Variants in RORA observed in about 807,000 individuals in gnomAD.
RORA encodes the protein RAR related orphan receptor A.
In RORA, 7 loss-of-function variants were observed where a neutral mutation model predicts 69.5. That is an observed-to-expected ratio of 0.10 (90% CI 0.06 to 0.19). The LOEUF (loss-of-function observed/expected upper bound fraction) is 0.19, where lower values mean the gene tolerates loss of function less well. Ranked by LOEUF, RORA falls within the 10% of genes least tolerant of loss-of-function variation. The pLI, the probability that RORA is intolerant of heterozygous loss-of-function variation, is 1.00. For missense variants in RORA, 457 were observed against 663.0 expected (o/e 0.69, Z 3.41); for synonymous variants, 261 against 240.8 (o/e 1.08, Z -0.78).
At chr15:61,107,282 A>T (rs1190077300) in intron 1 of RORA, among the ~76,000 whole-genome samples, 1 of 152,232 alleles carries the variant, frequency 6.6e-6, no homozygotes, top group Non-Finnish European at 1.5e-5. Context: ...AATCCAAGTA[A>T]GACCATCTAA....
At chr15:60,955,743 A>G (rs1271657576) in intron 1 of RORA, among the ~76,000 whole-genome samples, 1 of 152,226 alleles carries the variant, frequency 6.6e-6, no homozygotes, top group East Asian at 1.9e-4. Context: ...GGGTGGAGCA[A>G]GAGGAGTCAG....
intron 2 of RORA, among the ~76,000 whole-genome samples, chr15:60,552,975 T>C (rs1414010927): frequency 6.6e-6 from 1 of 152,192 alleles, no homozygotes; most frequent in Non-Finnish European, 1.5e-5. Context: ...ATTAGCACTG[T>C]GATCATGGGC....
intron 1 of RORA, among the ~76,000 whole-genome samples, chr15:60,688,377 T>C (rs2070776905): frequency 6.6e-6 from 1 of 152,152 alleles, no homozygotes; most frequent in African/African-American, 2.4e-5. Flanking sequence ...CTAAAATTTC[T>C]ATAAAACACC....
At chr15:61,004,710 C>T (rs551300117) in intron 1 of RORA, among the ~76,000 whole-genome samples, 6 of 151,984 alleles carry the variant, frequency 3.9e-5, no homozygotes, top group South Asian at 2.1e-4. Flanking sequence ...GACATGGGTC[C>T]GGGAGTAAAT....
intron 1 of RORA, among the ~76,000 whole-genome samples, chr15:60,907,414 C>T (rs1166833301): frequency 6.6e-6 from 1 of 152,190 alleles, no homozygotes; most frequent in Non-Finnish European, 1.5e-5. Context: ...TCCACTCAGA[C>T]CAGACACCAG....
At chr15:60,502,103 C>T (rs2065349046) in intron 8 of RORA, among the ~76,000 whole-genome samples, 1 of 152,176 alleles carries the variant, frequency 6.6e-6, no homozygotes, top group African/African-American at 2.4e-5. Flanking sequence ...GCCTCAGCCT[C>T]CTGAGTAGCT....
intron 1 of RORA, among the ~76,000 whole-genome samples, chr15:60,932,682 C>G (rs1380519522): frequency 6.6e-6 from 1 of 152,126 alleles, no homozygotes; most frequent in East Asian, 1.9e-4. Flanking sequence ...AACCACAGCT[C>G]CTGCAAATGA....
At chr15:60,590,170 C>CTCTATCTCTCT (rs2068454476) in intron 2 of RORA, among the ~76,000 whole-genome samples, 1 of 101,504 alleles carries the variant, frequency 9.9e-6, no homozygotes, top group African/African-American at 5.3e-5. Context: ...TCTCCCTCTT[C>CTCTATCTCTCT]CTCTATCTCT....
chr15:60,600,761 T>G (rs919972644), intron 2 of RORA, among the ~76,000 whole-genome samples: 2 of 152,098 alleles, frequency 1.3e-5, no homozygotes, highest in Non-Finnish European at 2.9e-5. Flanking sequence ...TAGTATCTAG[T>G]AAAGCCTTGT....
chr15:60,983,064 C>G (rs1193566372), intron 1 of RORA, among the ~76,000 whole-genome samples: 1 of 152,100 alleles, frequency 6.6e-6, no homozygotes, highest in South Asian at 2.1e-4. Flanking sequence ...AAATTAAATT[C>G]TTAGTGCCAC....
chr15:60,501,954 T>C (rs1567039138), intron 8 of RORA, among the ~76,000 whole-genome samples: 4 of 152,236 alleles, frequency 2.6e-5, no homozygotes, highest in African/African-American at 7.2e-5. Flanking sequence ...ACTATGTTCA[T>C]TTTATTTAAA....
intron 1 of RORA, among the ~76,000 whole-genome samples, chr15:60,921,065 T>A (rs2140489358): frequency 6.6e-6 from 1 of 152,304 alleles, no homozygotes; most frequent in South Asian, 2.1e-4. Context: ...ATAGAACTAA[T>A]CACATAAAGT....
chr15:60,858,888 T>A (rs116508836), intron 1 of RORA, among the ~76,000 whole-genome samples: 24 of 152,218 alleles, frequency 1.6e-4, no homozygotes, highest in African/African-American at 5.5e-4. Flanking sequence ...ACGCTCTAAT[T>A]AGATTGTGCA....
intron 1 of RORA, among the ~76,000 whole-genome samples, chr15:60,705,537 G>A (rs2071049371): frequency 6.6e-6 from 1 of 152,156 alleles, no homozygotes; most frequent in African/African-American, 2.4e-5. Context: ...CTGTAGAGCT[G>A]TCTTTACTAT....
intron 1 of RORA, among the ~76,000 whole-genome samples, chr15:60,786,435 G>A (rs1595713858): frequency 6.6e-6 from 1 of 152,318 alleles, no homozygotes; most frequent in African/African-American, 2.4e-5. Context: ...AGAGAAACAC[G>A]ATGGAAGCTA....
At chr15:60,541,475 A>G (rs2066870394) in intron 2 of RORA, among the ~76,000 whole-genome samples, 1 of 152,230 alleles carries the variant, frequency 6.6e-6, no homozygotes, top group Non-Finnish European at 1.5e-5. Flanking sequence ...CTTAATTACA[A>G]CATATAAGCT....
At chr15:61,072,482 A>G (rs1446056531) in intron 1 of RORA, among the ~76,000 whole-genome samples, 1 of 152,152 alleles carries the variant, frequency 6.6e-6, no homozygotes, top group East Asian at 1.9e-4. Context: ...TGCTGAATGG[A>G]GAAATCATCT....
At chr15:60,524,323 C>T (rs2066275949) in intron 3 of RORA, among the ~76,000 whole-genome samples, 1 of 152,206 alleles carries the variant, frequency 6.6e-6, no homozygotes, top group Admixed American at 6.5e-5. Context: ...CTTTCTAAAA[C>T]ATCAAACTGA....
At chr15:61,000,032 T>C (rs1467691617) in intron 1 of RORA, among the ~76,000 whole-genome samples, 1 of 152,042 alleles carries the variant, frequency 6.6e-6, no homozygotes, top group Non-Finnish European at 1.5e-5. Context: ...ATGAAACGTT[T>C]CCATCAGATC....
Sources: gnomAD v4.1 joint callset for allele counts (sites outside exome capture counted in the v4.1 genomes callset) on GRCh38, gnomAD v4.1.1 for gene constraint, MANE v1.5 for transcripts, NCBI Gene and HGNC (gene_info 2026-07-23, HGNC 2026-07-21) for gene names.